The following TRAK1 variants were observed in gnomAD, a reference collection of about 807,000 sequenced individuals.
The protein encoded by TRAK1 is trafficking kinesin protein 1.
A neutral mutation model predicts 92.1 loss-of-function variants in TRAK1; 33 were observed. The ratio of observed to expected loss-of-function variants is 0.36; its 90% confidence interval spans 0.27 to 0.48. TRAK1 has a LOEUF of 0.48. Ranked by LOEUF, TRAK1 falls within the 20% of genes least tolerant of loss-of-function variation. The probability of loss-of-function intolerance (pLI) is 0.99; values close to 1 mark genes in which losing one functional copy is unlikely to be tolerated. For missense variants in TRAK1, 1,123 were observed against 1,257.9 expected (o/e 0.89, Z 1.62); for synonymous variants, 521 against 517.3 (o/e 1.01, Z -0.10).
chr3:42,114,101 G>A (rs962013751), intron 1 of TRAK1, among the ~76,000 whole-genome samples: 6 of 152,214 alleles, frequency 3.9e-5, no homozygotes, highest in Admixed American at 2.0e-4. Context: ...TTTTGAGGCC[G>A]GCTTCTTTCA....
At chr3:42,029,236 G>C (rs1702025506) in intron 1 of TRAK1, among the ~76,000 whole-genome samples, 1 of 152,128 alleles carries the variant, frequency 6.6e-6, no homozygotes, top group African/African-American at 2.4e-5. Flanking sequence ...AGATTTGGGC[G>C]GGGACAGAGA....
chr3:42,029,546 A>G (rs1702040748), intron 1 of TRAK1, among the ~76,000 whole-genome samples: 2 of 150,676 alleles, frequency 1.3e-5, no homozygotes, highest in African/African-American at 2.4e-5. Flanking sequence ...CCAGCCTGAT[A>G]GAATTTTTTT....
At chr3:42,201,114 G>T in intron 12 of TRAK1, 60 bp downstream of exon 12, 1 of 1,534,780 alleles carries the variant, frequency 6.5e-7, no homozygotes, top group Non-Finnish European at 9.0e-7. Context: ...AGTATGGATT[G>T]TCTGCAGGCT....
chr3:42,201,399 G>T (rs1707536238), intron 12 of TRAK1, among the ~76,000 whole-genome samples: 1 of 151,972 alleles, frequency 6.6e-6, no homozygotes, highest in Admixed American at 6.5e-5. Context: ...GGTGGAGGTT[G>T]CAGCAAGCTG....
At chr3:42,177,343 G>T (rs1703356388) in intron 3 of TRAK1, among the ~76,000 whole-genome samples, 1 of 152,206 alleles carries the variant, frequency 6.6e-6, no homozygotes, top group Non-Finnish European at 1.5e-5. Context: ...AGTTGCTTAA[G>T]ATTAGGTGAG....
At chr3:42,187,162 T>C (rs1705005041) in intron 4 of TRAK1, among the ~76,000 whole-genome samples, 1 of 152,136 alleles carries the variant, frequency 6.6e-6, no homozygotes, top group Admixed American at 6.5e-5. Context: ...GAAATTCCTA[T>C]CTAGTAAGCA....
rs772161030 is a variant in TRAK1 at position 42,223,959 on chromosome 3, C to T, written c.*222C>T. On this transcript the variant is annotated 3_prime_UTR_variant, in exon 16 of 16. Coordinates refer to ENST00000327628, the MANE Select transcript of TRAK1 (RefSeq NM_001042646.3). This position sits in a 1 kb window ranked among gnomAD's most constrained non-coding sequence, Gnocchi z 6.1. ...CCTTGTGTCCGCCCTGCTCTTTCTTCCGATCCCACAGGAAGTGCCCCTGCA... is the reference window on the plus strand; with the variant it reads ...CCTTGTGTCCGCCCTGCTCTTTCTTTCGATCCCACAGGAAGTGCCCCTGCA... 4.5e-5 allele frequency: 29 copies of T among 648,432 alleles called. No homozygotes were observed. In the South Asian group the frequency reaches 4.5e-4, roughly 10 times the overall value. The allele number at this position is 648,432 out of a possible 1,614,324, so 40.2% of individuals were successfully genotyped here.
At chr3:42,114,705 T>C (rs1708935716) in intron 1 of TRAK1, among the ~76,000 whole-genome samples, 1 of 152,116 alleles carries the variant, frequency 6.6e-6, no homozygotes, top group Non-Finnish European at 1.5e-5. Flanking sequence ...GCATGTAACA[T>C]ACTTAATTTT....
At chr3:42,027,184 A>C (rs893478558) in intron 1 of TRAK1, among the ~76,000 whole-genome samples, 1 of 152,212 alleles carries the variant, frequency 6.6e-6, no homozygotes. Context: ...CATTAGTGGC[A>C]TATCTTACTC....
At chr3:42,149,564 A>T in intron 2 of TRAK1, 1 of 1,536,132 alleles carries the variant, frequency 6.5e-7, no homozygotes, top group Non-Finnish European at 8.7e-7. Context: ...GCGGATTATT[A>T]TGAACTAGAC....
At chr3:42,059,684 A>G (rs1703344028) in intron 1 of TRAK1, among the ~76,000 whole-genome samples, 1 of 152,188 alleles carries the variant, frequency 6.6e-6, no homozygotes, top group Non-Finnish European at 1.5e-5. Flanking sequence ...CCAGAAAAAA[A>G]TTTAAAAGTG....
chr3:42,082,353 C>A (rs1241664259), upstream of TRAK1, among the ~76,000 whole-genome samples: 1 of 152,112 alleles, frequency 6.6e-6, no homozygotes, highest in Non-Finnish European at 1.5e-5. Context: ...AATCCCAGCA[C>A]CTTGGGAGGC....
At chr3:42,054,680 A>G (rs1703123656) in intron 1 of TRAK1, among the ~76,000 whole-genome samples, 1 of 152,246 alleles carries the variant, frequency 6.6e-6, no homozygotes, top group Non-Finnish European at 1.5e-5. Flanking sequence ...TTTTGAAGTT[A>G]TTTTATATAT....
chr3:42,068,678 A>G (rs764654578), intron 1 of TRAK1, among the ~76,000 whole-genome samples: 14 of 152,326 alleles, frequency 9.2e-5, no homozygotes, highest in Admixed American at 2.6e-4. Context: ...TGTTTGTAGG[A>G]CAATACCTAT....
chr3:42,111,353 G>A (rs934174379), intron 1 of TRAK1, among the ~76,000 whole-genome samples: 10 of 151,954 alleles, frequency 6.6e-5, no homozygotes, highest in Non-Finnish European at 1.2e-4. Flanking sequence ...CTTATTGTCC[G>A]TGGACTAGGC....
At chr3:42,110,205 T>C (rs1708201306) in intron 1 of TRAK1, among the ~76,000 whole-genome samples, 2 of 149,206 alleles carry the variant, frequency 1.3e-5, no homozygotes, top group South Asian at 4.2e-4. Flanking sequence ...AGAACACTTA[T>C]AAAAACTGTC....
chr3:42,158,961 A>AAATAATAAT (rs4016239), intron 2 of TRAK1, among the ~76,000 whole-genome samples: 3,121 of 140,140 alleles, frequency 0.022, 61 homozygotes, highest in African/African-American at 0.051. Context: ...TCTGTCTCAA[A>AAATAATAAT]AATAATAATA....
At chr3:42,084,511 A>T (rs572875350), upstream of TRAK1, among the ~76,000 whole-genome samples, 5 of 152,362 alleles carry the variant, frequency 3.3e-5, no homozygotes, top group Admixed American at 2.0e-4. Flanking sequence ...TCAGCAAGTC[A>T]GTCTCCAGAC....
chr3:42,181,539 A>G (rs904024197), intron 3 of TRAK1, among the ~76,000 whole-genome samples: 5 of 152,200 alleles, frequency 3.3e-5, no homozygotes, highest in Non-Finnish European at 5.9e-5. Context: ...TCGAGACTCC[A>G]TATCAAAAAC....
Sources: allele counts gnomAD v4.1 joint callset (sites outside exome capture counted in the v4.1 genomes callset), GRCh38; gene constraint gnomAD v4.1.1; non-coding constraint Gnocchi (gnomAD v3.1); transcripts MANE v1.5; gene names NCBI Gene and HGNC (gene_info 2026-07-23, HGNC 2026-07-21).